The following PHACTR3 variants were observed in gnomAD, a reference collection of about 807,000 sequenced individuals.
The protein encoded by PHACTR3 is phosphatase and actin regulator 3.
PHACTR3 carries 16 observed loss-of-function variants against 66.8 expected under a neutral mutation model. The ratio of observed to expected loss-of-function variants is 0.24; its 90% CI spans 0.16 to 0.36. The LOEUF is 0.36. Ranked by LOEUF, PHACTR3 falls within the 10% of genes least tolerant of loss-of-function variation. The pLI is 1.00. For missense variants in PHACTR3, 647 were observed against 719.9 expected (o/e 0.90, Z 1.16); for synonymous variants, 323 against 292.1 (o/e 1.11, Z -1.08).
chr20:59,841,557 T>TG (rs2059060737), intron 11 of PHACTR3, 22 bp downstream of exon 11: 5 of 1,605,444 alleles, frequency 3.1e-6, no homozygotes, highest in Admixed American at 3.4e-5. Flanking sequence ...CCTGTGCTGG[T>TG]GGGGGGTGTT....
intron 4 of PHACTR3, among the ~76,000 whole-genome samples, chr20:59,764,487 G>A (rs2146857556): frequency 6.6e-6 from 1 of 152,254 alleles, no homozygotes; most frequent in East Asian, 1.9e-4. Flanking sequence ...TACTTGTAGT[G>A]GGCAGGTTCG....
rs2042281797 is a variant in PHACTR3 at position 59,829,376 on chromosome 20, C to G, written c.1329-7129C>G. The stretch of plus-strand genomic sequence containing the variant: ...AGGTCTTTCCCTGGGCGGTTTCTTT[C>G]ATCATCCAGGCCTCATCTTATGGCC... On this transcript the variant is annotated intron_variant, in intron 8 of 12. Transcript: ENST00000371015. This position sits in a 1 kb window ranked among gnomAD's most constrained non-coding sequence, Gnocchi z 4.2. Among the ~76,000 whole-genome samples, 1 of 152,224 alleles carries G rather than the reference C, an allele frequency of 6.6e-6. No homozygotes were observed. The highest frequency in any genetic ancestry group is 2.4e-5 in the African/African-American group (1 of 41,460).
intron 1 of PHACTR3, among the ~76,000 whole-genome samples, chr20:59,582,049 T>C (rs1312191361): frequency 1.3e-5 from 2 of 152,102 alleles, no homozygotes; most frequent in Non-Finnish European, 2.9e-5. Context: ...CATGAATACA[T>C]CCTCCAAGTG....
intron 9 of PHACTR3, among the ~76,000 whole-genome samples, chr20:59,839,521 G>A (rs2059019838): frequency 6.6e-6 from 1 of 152,210 alleles, no homozygotes; most frequent in Non-Finnish European, 1.5e-5. Flanking sequence ...TCCTAGGAAT[G>A]GAGCTATGTT....
intron 7 of PHACTR3, among the ~76,000 whole-genome samples, chr20:59,802,416 G>C (rs1256886405): frequency 2.0e-5 from 3 of 152,192 alleles, no homozygotes; most frequent in Non-Finnish European, 4.4e-5. Flanking sequence ...TAGCAGGCTA[G>C]GGCAGAGACC....
At chr20:59,632,827 A>C (rs1389330486) in intron 1 of PHACTR3, among the ~76,000 whole-genome samples, 1 of 152,200 alleles carries the variant, frequency 6.6e-6, no homozygotes, top group African/African-American at 2.4e-5. Context: ...ACCTGCTTTA[A>C]GTGCATGCCC....
chr20:59,649,278 T>G (rs2035384338), intron 1 of PHACTR3, among the ~76,000 whole-genome samples: 1 of 152,230 alleles, frequency 6.6e-6, no homozygotes, highest in African/African-American at 2.4e-5. Flanking sequence ...TCTATTTAAT[T>G]CTTGATGCTT....
At chr20:59,713,328 G>A (rs2037972949) in intron 1 of PHACTR3, among the ~76,000 whole-genome samples, 1 of 152,194 alleles carries the variant, frequency 6.6e-6, no homozygotes, top group South Asian at 2.1e-4. Flanking sequence ...CAGAGCAGGT[G>A]TTCAATAGAC....
intron 8 of PHACTR3, among the ~76,000 whole-genome samples, chr20:59,819,708 T>A (rs2041980213): frequency 6.6e-6 from 1 of 151,904 alleles, no homozygotes; most frequent in Admixed American, 6.5e-5. Flanking sequence ...GCCAGTGCTG[T>A]CCCAGTACTG....
At chr20:59,628,709 C>A in intron 1 of PHACTR3, 2 of 985,430 alleles carry the variant, frequency 2.0e-6, no homozygotes, top group South Asian at 9.4e-5. Flanking sequence ...CTGGAAGATT[C>A]CCCATAGTAC....
At chr20:59,787,892 A>C (rs1178434903) in intron 7 of PHACTR3, among the ~76,000 whole-genome samples, 2 of 152,214 alleles carry the variant, frequency 1.3e-5, no homozygotes, top group Non-Finnish European at 2.9e-5. Context: ...GTAGAGATCC[A>C]CAGGACTCTG....
chr20:59,633,350 G>T (rs1298362244), intron 1 of PHACTR3, among the ~76,000 whole-genome samples: 1 of 152,120 alleles, frequency 6.6e-6, no homozygotes, highest in African/African-American at 2.4e-5. Context: ...TGTCCTTTGT[G>T]GGGACACGGA....
At chr20:59,781,431 T>C (rs1323714247) in intron 7 of PHACTR3, among the ~76,000 whole-genome samples, 3 of 152,094 alleles carry the variant, frequency 2.0e-5, no homozygotes, top group Non-Finnish European at 4.4e-5. Flanking sequence ...CCTGGGCAGG[T>C]GGTGGCACAT....
intron 7 of PHACTR3, among the ~76,000 whole-genome samples, chr20:59,783,417 G>T (rs947893990): frequency 6.6e-6 from 1 of 151,902 alleles, no homozygotes; most frequent in Non-Finnish European, 1.5e-5. Context: ...CTGAAACAGG[G>T]CTGCCCCCCG....
chr20:59,747,949 G>C, intron 3 of PHACTR3, 114 bp downstream of exon 3: 2 of 1,089,456 alleles, frequency 1.8e-6, no homozygotes, highest in Non-Finnish European at 2.7e-6. Context: ...AAGGAGGGCC[G>C]TGTTCAGATG....
At chr20:59,818,219 A>C (rs1371444703) in intron 8 of PHACTR3, among the ~76,000 whole-genome samples, 1 of 152,164 alleles carries the variant, frequency 6.6e-6, no homozygotes, top group Non-Finnish European at 1.5e-5. Flanking sequence ...GCATGTGGGC[A>C]TGGGGAAGTC....
intron 7 of PHACTR3, among the ~76,000 whole-genome samples, chr20:59,793,039 C>T (rs1406284430): frequency 1.6e-5 from 2 of 123,314 alleles, no homozygotes; most frequent in Non-Finnish European, 3.4e-5. Flanking sequence ...CATGTACCAC[C>T]ACACCCAGTT....
chr20:59,714,454 C>T (rs1466399033), intron 1 of PHACTR3, among the ~76,000 whole-genome samples: 1 of 152,206 alleles, frequency 6.6e-6, no homozygotes, highest in Non-Finnish European at 1.5e-5. Context: ...CATTCTTTTC[C>T]TACTGCACAG....
intron 1 of PHACTR3, among the ~76,000 whole-genome samples, chr20:59,650,771 G>A (rs955934305): frequency 6.6e-6 from 1 of 151,368 alleles, no homozygotes; most frequent in Non-Finnish European, 1.5e-5. Context: ...AGTCTCAGGG[G>A]TTGGGGGTGG....
Sources: allele counts gnomAD v4.1 joint callset (sites outside exome capture counted in the v4.1 genomes callset), GRCh38; gene constraint gnomAD v4.1.1; non-coding constraint Gnocchi (gnomAD v3.1); transcripts MANE v1.5; gene names NCBI Gene and HGNC (gene_info 2026-07-23, HGNC 2026-07-21).